Variants in CCDC201 observed in about 807,000 individuals in gnomAD.
The protein encoded by CCDC201 is coiled-coil domain containing 201.
At chr7:45,875,427 G>A (rs1246325819), upstream of CCDC201, among the ~76,000 whole-genome samples, 2 of 139,110 alleles carry the variant, frequency 1.4e-5, no homozygotes, top group Non-Finnish European at 3.1e-5. Context: ...CCCGGGAGGA[G>A]GAGGCTTCAG....
chr7:45,874,249 T>A (rs951225344), upstream of CCDC201, among the ~76,000 whole-genome samples: 7 of 152,130 alleles, frequency 4.6e-5, no homozygotes, highest in Admixed American at 4.6e-4. Context: ...CAGCCCATAG[T>A]TGTGGGGCAA....
exon 3 of CCDC201, chr7:45,861,132 A>G (rs1458705496): frequency 6.6e-6 from 1 of 152,246 alleles, no homozygotes; most frequent in African/African-American, 2.4e-5. Context: ...AGATAGAAAC[A>G]TAACTACATG....
upstream of CCDC201, among the ~76,000 whole-genome samples, chr7:45,875,749 G>A (rs1786793686): frequency 6.7e-6 from 1 of 149,230 alleles, no homozygotes; most frequent in Non-Finnish European, 1.5e-5. Flanking sequence ...CCGGTTCCCA[G>A]TTCCTGCTCA....
At chr7:45,877,774 T>C (rs911241841), upstream of CCDC201, among the ~76,000 whole-genome samples, 8 of 152,136 alleles carry the variant, frequency 5.3e-5, no homozygotes, top group Admixed American at 3.9e-4. Flanking sequence ...ACCGTGTCAT[T>C]CTGCTCCTGG....
intron 2 of CCDC201, among the ~76,000 whole-genome samples, chr7:45,864,670 C>T (rs1417074969): frequency 6.6e-6 from 1 of 152,082 alleles, no homozygotes; most frequent in African/African-American, 2.4e-5. Flanking sequence ...TCAGCACCCT[C>T]AGAAGGTGAG....
At chr7:45,866,722 A>G (rs374476340) in intron 1 of CCDC201, among the ~76,000 whole-genome samples, 1 of 152,154 alleles carries the variant, frequency 6.6e-6, no homozygotes, top group South Asian at 2.1e-4. Flanking sequence ...TTGCCTTTTC[A>G]TGGATGTAAT....
upstream of CCDC201, among the ~76,000 whole-genome samples, chr7:45,873,467 T>A (rs1786764458): frequency 6.6e-6 from 1 of 151,856 alleles, no homozygotes; most frequent in Non-Finnish European, 1.5e-5. Flanking sequence ...TGCAGAAGAC[T>A]CCTTACCAGT....
At chr7:45,871,413 G>C (rs999838736) in intron 1 of CCDC201, among the ~76,000 whole-genome samples, 17 of 151,830 alleles carry the variant, frequency 1.1e-4, no homozygotes, top group Non-Finnish European at 1.5e-5. Flanking sequence ...AAACAAAGTC[G>C]GGTTCTTATA....
chr7:45,861,107 A>G (rs1331842869), exon 3 of CCDC201: 4 of 152,212 alleles, frequency 2.6e-5, no homozygotes, highest in Admixed American at 2.0e-4. Context: ...TTTGAATTTC[A>G]TTCTTTGAAA....
intron 2 of CCDC201, among the ~76,000 whole-genome samples, chr7:45,865,778 C>T (rs1786661834): frequency 6.6e-6 from 1 of 152,152 alleles, no homozygotes; most frequent in South Asian, 2.1e-4. Flanking sequence ...TCACGGGGGC[C>T]CTCAGAGCAG....
At chr7:45,871,778 A>G (rs2116525206) in intron 1 of CCDC201, among the ~76,000 whole-genome samples, 1 of 152,348 alleles carries the variant, frequency 6.6e-6, no homozygotes, top group African/African-American at 2.4e-5. Flanking sequence ...TTCAGTATAC[A>G]CATGCTGAAC....
At chr7:45,880,884 G>A in the CCDC201 span, among the ~76,000 whole-genome samples, 28 of 152,196 alleles carry the variant, frequency 1.8e-4, no homozygotes, top group Non-Finnish European at 3.4e-4. Flanking sequence ...GGCTGGGTGA[G>A]TGGCAGCCCT....
the CCDC201 span, among the ~76,000 whole-genome samples, chr7:45,884,477 G>A: frequency 1.3e-5 from 2 of 152,152 alleles, no homozygotes; most frequent in Non-Finnish European, 2.9e-5. Flanking sequence ...CTAATGAGGA[G>A]TCTAAACCCC....
At chr7:45,882,225 A>G in the CCDC201 span, among the ~76,000 whole-genome samples, 1 of 152,198 alleles carries the variant, frequency 6.6e-6, no homozygotes, top group South Asian at 2.1e-4. Context: ...GCACGAAGGC[A>G]GGATTGGGAA....
chr7:45,880,199 T>C, the CCDC201 span, among the ~76,000 whole-genome samples: 28,053 of 152,226 alleles, frequency 0.18, 2,670 homozygotes, highest in East Asian at 0.27. Context: ...GCTGTTTAAA[T>C]TGAGATGAAG....
intron 2 of CCDC201, among the ~76,000 whole-genome samples, chr7:45,864,141 G>T (rs980235413): frequency 2.6e-5 from 4 of 152,174 alleles, no homozygotes; most frequent in Admixed American, 2.6e-4. Flanking sequence ...TGAGAGCTGA[G>T]GCTCTCAGAG....
At chr7:45,872,428 G>C (rs189978518) in intron 1 of CCDC201, among the ~76,000 whole-genome samples, 1 of 152,320 alleles carries the variant, frequency 6.6e-6, no homozygotes, top group African/African-American at 2.4e-5. Flanking sequence ...TAGAGCATGA[G>C]GTGTCCTGTC....
intron 2 of CCDC201, among the ~76,000 whole-genome samples, chr7:45,864,871 C>G (rs1786651672): frequency 6.6e-6 from 1 of 152,094 alleles, no homozygotes; most frequent in African/African-American, 2.4e-5. Flanking sequence ...CAGAGGATCA[C>G]AGACGGAGAA....
exon 3 of CCDC201, chr7:45,860,513 C>G (rs1450881971): frequency 6.6e-6 from 1 of 152,186 alleles, no homozygotes; most frequent in Non-Finnish European, 1.5e-5. Context: ...TTACATTATG[C>G]TTACCTCTAA....
Sources: allele counts gnomAD v4.1 joint callset (sites outside exome capture counted in the v4.1 genomes callset), GRCh38; gene constraint gnomAD v4.1.1; transcripts MANE v1.5; gene names NCBI Gene and HGNC (gene_info 2026-07-23, HGNC 2026-07-21).